DNMBP: variants seen among roughly 807,000 people sequenced by gnomAD.
DNMBP encodes dynamin binding protein.
Under a neutral mutation model 150.0 loss-of-function variants are expected in DNMBP, and 87 were observed. The observed-to-expected ratio is 0.58, with a 90% confidence interval of 0.49 to 0.69. The LOEUF is 0.69. DNMBP is among the 30% of genes least tolerant of loss of function. The probability of loss-of-function intolerance (pLI) is 0.00; values close to 1 mark genes in which losing one functional copy is unlikely to be tolerated. For missense variants in DNMBP, 1,774 were observed against 1,949.0 expected (o/e 0.91, Z 1.69); for synonymous variants, 711 against 750.4 (o/e 0.95, Z 0.86).
At position 99,877,172 on chromosome 10, in the gene DNMBP, G is replaced by A. The variant is rs915346847; in HGVS notation, c.4713C>T (p.Ile1571=). ...GKKGYVPSNY[I]RKTEYT ...GGGCTCAGGTGTACTCGGTTTTGCG[G>A]ATATAATTGGAGGGAACGTAGCCCT... is the stretch of plus-strand genomic sequence containing the variant. Residue 1571 remains isoleucine (I), a synonymous_variant, in exon 17 of 17, where the codon ATC becomes ATT. Coordinates refer to ENST00000324109, the MANE Select transcript of DNMBP (RefSeq NM_015221.4). 6.2e-7 allele frequency: 1 copy of A among 1,611,186 alleles called. No homozygotes were observed. The highest frequency in any genetic ancestry group is 8.5e-7 in the Non-Finnish European group (1 of 1,178,850).
intron 12 of DNMBP, among the ~76,000 whole-genome samples, chr10:99,887,095 T>TA (rs1386876462): frequency 1.3e-5 from 2 of 149,346 alleles, no homozygotes; most frequent in Non-Finnish European, 3.0e-5. Context: ...TAATACCCAT[T>TA]TTTTTTTTTT....
chr10:99,966,475 T>C (rs2133347759), intron 3 of DNMBP, among the ~76,000 whole-genome samples: 1 of 152,358 alleles, frequency 6.6e-6, no homozygotes, highest in East Asian at 1.9e-4. Context: ...AGATTCTTTC[T>C]GAGAATCTCT....
At chr10:99,889,722 C>G (rs2039527820) in intron 11 of DNMBP, among the ~76,000 whole-genome samples, 1 of 152,100 alleles carries the variant, frequency 6.6e-6, no homozygotes, top group African/African-American at 2.4e-5. Flanking sequence ...ACTAAATACT[C>G]CATTAGTCTA....
At chr10:99,951,442 C>T (rs529413368) in intron 4 of DNMBP, among the ~76,000 whole-genome samples, 1 of 152,114 alleles carries the variant, frequency 6.6e-6, no homozygotes, top group African/African-American at 2.4e-5. Flanking sequence ...CAGCTTGCAC[C>T]GTGTGCCTGG....
At chr10:99,877,892 A>C (rs2039301604) in intron 16 of DNMBP, among the ~76,000 whole-genome samples, 1 of 152,118 alleles carries the variant, frequency 6.6e-6, no homozygotes, top group South Asian at 2.1e-4. Context: ...TGGGAGGCTG[A>C]GGGCAGATCA....
At chr10:99,902,764 C>T (rs1037817614) in intron 6 of DNMBP, among the ~76,000 whole-genome samples, 3 of 151,362 alleles carry the variant, frequency 2.0e-5, no homozygotes, top group Non-Finnish European at 4.4e-5. Context: ...CCCGTCTCTA[C>T]TAAAAATACA....
In DNMBP at chr10:99,973,681, G is replaced by A. The variant is rs116705661; in HGVS notation, c.-10-1547C>T. On this transcript the variant is annotated intron_variant, in intron 1 of 16. Transcript: ENST00000324109. ...AGCAGAACTATGCCTCAAAGGCCTA[G>A]ATGGAAAACCTGTTGGGGACTGGCG... Among the ~76,000 whole-genome samples the A allele has an allele frequency of 4.7e-3, 721 of 152,280 alleles. 7 individuals are homozygous for A. The highest frequency in any genetic ancestry group is 0.017 in the African/African-American group (695 of 41,558).
At chr10:99,950,069 G>C (rs894652950) in intron 4 of DNMBP, among the ~76,000 whole-genome samples, 1 of 152,112 alleles carries the variant, frequency 6.6e-6, no homozygotes, top group Non-Finnish European at 1.5e-5. Flanking sequence ...TTGTGGGAGG[G>C]ACCTGGTAGG....
rs182090242 is a variant in DNMBP at position 99,895,555 on chromosome 10, C to T, written c.3052-505G>A. Among the ~76,000 whole-genome samples, 1,072 of 152,348 alleles carry T rather than the reference C, an allele frequency of 7.0e-3. 8 individuals are homozygous for T. The highest frequency in any genetic ancestry group is 0.014 in the Admixed American group (209 of 15,306). On this transcript the variant is annotated intron_variant, in intron 10 of 16. Coordinates refer to ENST00000324109, the MANE Select transcript of DNMBP (RefSeq NM_015221.4). ...GACCTCCAAAATACACACAGGCCCT[C>T]CTTTAAACCTTCTTTGCAAGCCCTC...
At chr10:99,888,701 T>C in intron 12 of DNMBP, 124 bp downstream of exon 12, 1 of 1,125,536 alleles carries the variant, frequency 8.9e-7, no homozygotes, top group Non-Finnish European at 1.3e-6. Context: ...AATATGAATA[T>C]AGCTAAAGGA....
chr10:99,948,446 A>G (rs2040383409), intron 4 of DNMBP, among the ~76,000 whole-genome samples: 1 of 152,222 alleles, frequency 6.6e-6, no homozygotes, highest in Non-Finnish European at 1.5e-5. Flanking sequence ...CAAACAACTG[A>G]CAGAAACAAA....
At chr10:99,896,011 C>T (rs1395754868) in intron 10 of DNMBP, among the ~76,000 whole-genome samples, 2 of 152,170 alleles carry the variant, frequency 1.3e-5, no homozygotes, top group Non-Finnish European at 2.9e-5. Context: ...AAGTCTACAA[C>T]TATAGTTTTG....
chr10:99,989,302 A>G (rs2040861397), intron 1 of DNMBP, among the ~76,000 whole-genome samples: 1 of 152,214 alleles, frequency 6.6e-6, no homozygotes, highest in Admixed American at 6.5e-5. Context: ...ACAGGCTTTC[A>G]GCCATTATTT....
intron 1 of DNMBP, among the ~76,000 whole-genome samples, chr10:99,984,683 T>C (rs990490712): frequency 2.0e-5 from 3 of 152,226 alleles, no homozygotes; most frequent in Admixed American, 1.3e-4. Flanking sequence ...CACAAACTTG[T>C]GTTTCTGCTA....
intron 4 of DNMBP, among the ~76,000 whole-genome samples, chr10:99,917,173 A>G (rs764835034): frequency 4.6e-5 from 7 of 152,168 alleles, no homozygotes; most frequent in African/African-American, 7.2e-5. Context: ...CCTGGCTAAC[A>G]TGGCGAAAAC....
intron 4 of DNMBP, chr10:99,930,773 G>C (rs746464767): frequency 7.8e-6 from 5 of 642,378 alleles, no homozygotes; most frequent in Non-Finnish European, 1.4e-5. Context: ...TATTCTATGT[G>C]CTTAAAGACA....
At chr10:99,914,715 A>C (rs948836834) in intron 4 of DNMBP, among the ~76,000 whole-genome samples, 1 of 152,192 alleles carries the variant, frequency 6.6e-6, no homozygotes, top group Admixed American at 6.6e-5. Context: ...AAGAAAATGC[A>C]CAATTTTGTA....
intron 4 of DNMBP, among the ~76,000 whole-genome samples, chr10:99,912,652 C>T (rs1225837821): frequency 6.6e-6 from 1 of 152,144 alleles, no homozygotes; most frequent in Non-Finnish European, 1.5e-5. Flanking sequence ...CCGGGGTATC[C>T]GCAATTTTAA....
At chr10:99,963,814 T>A (rs910721954) in intron 3 of DNMBP, among the ~76,000 whole-genome samples, 3 of 151,234 alleles carry the variant, frequency 2.0e-5, no homozygotes, top group African/African-American at 7.3e-5. Flanking sequence ...GGGCTGTCTC[T>A]AAATGCCAGG....
Sources: gnomAD v4.1 joint callset for allele counts (sites outside exome capture counted in the v4.1 genomes callset) on GRCh38, gnomAD v4.1.1 for gene constraint, MANE v1.5 for transcripts, NCBI Gene and HGNC (gene_info 2026-07-23, HGNC 2026-07-21) for gene names.